Variants in DNASE1L1 observed in about 807,000 individuals in gnomAD.
The protein encoded by DNASE1L1 is deoxyribonuclease-1-like 1.
A neutral mutation model predicts 18.6 loss-of-function variants in DNASE1L1; 8 were observed. The ratio of observed to expected loss-of-function variants is 0.43; its 90% CI spans 0.25 to 0.78. The LOEUF (loss-of-function observed/expected upper bound fraction) is 0.78. Ranked by LOEUF, DNASE1L1 falls within the 30% of genes least tolerant of loss-of-function variation. The pLI, the probability that DNASE1L1 is intolerant of heterozygous loss-of-function variation, is 0.23. For synonymous variants in DNASE1L1, 114 were observed against 114.2 expected (o/e 1.00, Z 0.01); for missense variants, 214 against 258.2 (o/e 0.83, Z 1.17).
intron 2 of DNASE1L1, 145 bp from the exon 3 acceptor site, chrX:154,405,228 C>G: frequency 1.2e-6 from 1 of 843,853 alleles, no homozygotes; most frequent in Non-Finnish European, 1.6e-6. Context: ...CTGGAAATGC[C>G]CCAGGAAAAG....
intron 1 of DNASE1L1, 193 bp downstream of exon 1, chrX:154,408,919 C>A (rs1557189107): frequency 4.6e-6 from 1 of 218,765 alleles, no homozygotes; most frequent in African/African-American, 2.9e-5. Context: ...GCCTTGGAGG[C>A]TCTGGCGTCA....
At chrX:154,404,795 C>G in intron 4 of DNASE1L1, 33 bp downstream of exon 4, 1 of 1,189,718 alleles carries the variant, frequency 8.4e-7, no homozygotes, top group Non-Finnish European at 1.1e-6. Flanking sequence ...AGGACCGCCC[C>G]CCACCCTGCT....
At position 154,402,354 on chromosome X, in the gene DNASE1L1, A is replaced by G. The variant is rs1557186886; in HGVS notation, c.*353T>C. Reference sequence around the variant, plus strand: ...GGCATATCTGCTGCACAAGTGTCCTATCTCACCAATCTGGGTTTTTGTTCT... The same window carrying G: ...GGCATATCTGCTGCACAAGTGTCCTGTCTCACCAATCTGGGTTTTTGTTCT... On this transcript the variant is annotated 3_prime_UTR_variant, in exon 8 of 8. Coordinates refer to ENST00000369807, the MANE Select transcript of DNASE1L1 (RefSeq NM_001303620.2). 1.0e-5 allele frequency: 2 copies of G among 192,431 alleles called. No homozygotes were observed. Among genetic ancestry groups the G allele is most frequent in the African/African-American group, 6.0e-5 (2 of 33,484 alleles). 15.9% of individuals were successfully genotyped at this position (192,431 alleles called of 1,213,427 possible). A position where few individuals can be genotyped will look rare whatever the true frequency, so the allele number is the denominator to read the frequency against.
At chrX:154,405,410 G>C (rs782104040) in intron 2 of DNASE1L1, 24 bp downstream of exon 2, 9 of 1,167,293 alleles carry the variant, frequency 7.7e-6, no homozygotes, top group Non-Finnish European at 9.2e-6. Flanking sequence ...TAGGGGCACG[G>C]CTTCCCTGAA....
intron 2 of DNASE1L1, 89 bp downstream of exon 2, chrX:154,405,345 T>C (rs2148158672): frequency 8.9e-7 from 1 of 1,120,571 alleles, no homozygotes; most frequent in East Asian, 3.1e-5. Flanking sequence ...TTCTCCCCTC[T>C]TCTCTAGAAC....
At chrX:154,405,178 G>T in intron 2 of DNASE1L1, 95 bp from the exon 3 acceptor site, 1 of 936,818 alleles carries the variant, frequency 1.1e-6, no homozygotes. Context: ...GGCCCAGAGT[G>T]TTAAGGCTCA....
In DNASE1L1 at chrX:154,403,178, G is replaced by A. The variant is rs782099734; in HGVS notation, c.538C>T (p.Leu180Phe). ...GCGCAGTCAGCATTGAAGTCCCCAA[G>A]CAGGATCACGTCCTAGAGACACAGC... ...QHWQSKDVILLGDFNADCASL... is the reference protein window; with the variant it reads ...QHWQSKDVILFGDFNADCASL... Residue 180 changes from leucine to phenylalanine, a missense_variant, in exon 7 of 8, where the codon CTT becomes TTT. Transcript: ENST00000369807. The A allele has an allele frequency of 8.3e-7, 1 of 1,211,464 alleles. No homozygotes were observed. The highest frequency in any genetic ancestry group is 1.7e-5 in the African/African-American group (1 of 57,785).
rs1248941961 is a variant in DNASE1L1 at position 154,401,346 on chromosome X, C to T, written c.*1361G>A. 1 of 178,346 alleles carries T rather than the reference C, an allele frequency of 5.6e-6. No homozygotes were observed. The highest frequency in any genetic ancestry group is 3.0e-5 in the African/African-American group (1 of 33,551). 14.7% of individuals were successfully genotyped at this position (178,346 alleles called of 1,213,427 possible). On this transcript the variant is annotated 3_prime_UTR_variant, in exon 8 of 8. Coordinates refer to ENST00000369807, the MANE Select transcript of DNASE1L1 (RefSeq NM_001303620.2). ...GCCATTCCTCCTTGGTGGGAATCAT[C>T]CAGGTACTGCTGAGGTCACCTGCGA...
intron 1 of DNASE1L1, among the ~76,000 whole-genome samples, 199 bp from the exon 2 acceptor site, chrX:154,405,854 G>A (rs781997704): frequency 1.9e-4 from 21 of 109,157 alleles, no homozygotes; most frequent in African/African-American, 6.6e-4. Flanking sequence ...CAGCCTGGGC[G>A]ACAATAAGAC....
upstream of DNASE1L1, chrX:154,411,912 C>T (rs782123597): frequency 1.7e-6 from 2 of 1,208,119 alleles, no homozygotes; most frequent in Admixed American, 4.4e-5. Context: ...CCAGCAGCGT[C>T]GTCATGGGCT....
Position 154,405,103 on chromosome X carries a change from C to G in DNASE1L1, c.136-20G>C. ...CAGTATCTGTGGGACATCAGGAAGGCCAGCCTGACTCAGTGCCAACTGCCC... is the reference window on the plus strand; with the variant it reads ...CAGTATCTGTGGGACATCAGGAAGGGCAGCCTGACTCAGTGCCAACTGCCC... On this transcript the variant is annotated intron_variant, in intron 2 of 7. Transcript: ENST00000369807. The G allele has an allele frequency of 1.7e-6, 2 of 1,200,456 alleles. No homozygotes were observed. Among genetic ancestry groups the G allele is most frequent in the Non-Finnish European group, 2.3e-6 (2 of 887,498 alleles).
intron 4 of DNASE1L1, among the ~76,000 whole-genome samples, chrX:154,404,532 G>A (rs782585480): frequency 3.2e-4 from 36 of 112,013 alleles, no homozygotes; most frequent in African/African-American, 1.1e-3. Flanking sequence ...GCCCTTGCTG[G>A]CCACTTTCAT....
At chrX:154,405,114 CAG>C in intron 2 of DNASE1L1, 31 bp from the exon 3 acceptor site, 1 of 1,183,953 alleles carries the variant, frequency 8.4e-7, no homozygotes, top group Non-Finnish European at 1.1e-6. Flanking sequence ...CAGCCTGACT[CAG>C]TGCCAACTGC....
At chrX:154,407,329 C>G (rs2068176778) in intron 1 of DNASE1L1, among the ~76,000 whole-genome samples, 1 of 95,676 alleles carries the variant, frequency 1.0e-5, no homozygotes, top group Non-Finnish European at 2.1e-5. Context: ...ACCTCAGCCT[C>G]CTGGGTTCAA....
At chrX:154,403,243 C>A (rs782534538) in intron 6 of DNASE1L1, 26 bp downstream of exon 6, 1 of 1,207,611 alleles carries the variant, frequency 8.3e-7, no homozygotes, top group Non-Finnish European at 1.1e-6. Flanking sequence ...ATCCTTGTCC[C>A]TCCTGTACAA....
In DNASE1L1 at chrX:154,404,888, G is replaced by A; in HGVS notation, c.251C>T (p.Thr84Ile). The A allele has an allele frequency of 8.3e-7, 1 of 1,211,742 alleles. No individual in the cohort carries two copies. The highest frequency in any genetic ancestry group is 1.8e-5 in the South Asian group (1 of 57,003). ...GCGCCCCAGCTGGGGGCTGCTCAGG[G>A]TGCTGTAGGGCCCAGAGCCATCAAA... ...NRFDGSGPYS[T>I]LSSPQLGRST... Residue 84 changes from threonine to isoleucine, a missense_variant, in exon 4 of 8, where the codon ACC becomes ATC. Thr to Ile is a moderately conservative substitution (Grantham distance 89). Coordinates refer to ENST00000369807, the MANE Select transcript of DNASE1L1 (RefSeq NM_001303620.2).
At chrX:154,405,737 A>C (rs890514262) in intron 1 of DNASE1L1, 82 bp from the exon 2 acceptor site, 1 of 381,440 alleles carries the variant, frequency 2.6e-6, no homozygotes, top group Non-Finnish European at 4.2e-6. Context: ...ATACCACTGC[A>C]CTCCAGCCTG....
In DNASE1L1 at chrX:154,403,210, C is replaced by T; in HGVS notation, c.526-20G>A. ...CACGTCCTAGAGACACAGCAGCCAT[C>T]AGGCTGGCCGCTGGGCCACCCTATC... On this transcript the variant is annotated intron_variant, in intron 6 of 7. Coordinates refer to ENST00000369807, the MANE Select transcript of DNASE1L1 (RefSeq NM_001303620.2). 2 of 1,209,789 alleles carry T rather than the reference C, an allele frequency of 1.7e-6. No individual in the cohort carries two copies. Among genetic ancestry groups the T allele is most frequent in the Non-Finnish European group, 1.1e-6 (1 of 893,991 alleles).
At chrX:154,412,055 C>G (rs1557191007), upstream of DNASE1L1, 10 of 1,207,481 alleles carry the variant, frequency 8.3e-6, no homozygotes, top group South Asian at 1.2e-4. Context: ...GCGGGCGAGC[C>G]CGGAGCGCCT....
Sources: gnomAD v4.1 joint callset for allele counts (sites outside exome capture counted in the v4.1 genomes callset) on GRCh38, gnomAD v4.1.1 for gene constraint, MANE v1.5 for transcripts, NCBI Gene and HGNC (gene_info 2026-07-23, HGNC 2026-07-21) for gene names.